PTPRG: variants seen among roughly 807,000 people sequenced by gnomAD.
PTPRG encodes the protein receptor-type tyrosine-protein phosphatase gamma.
In PTPRG, 102 loss-of-function variants were observed where a neutral mutation model predicts 165.3. The observed-to-expected ratio is 0.62, with a 90% CI of 0.53 to 0.73. The LOEUF (loss-of-function observed/expected upper bound fraction) is 0.73, where lower values mean the gene tolerates loss of function less well. Ranked by LOEUF, PTPRG falls within the 30% of genes least tolerant of loss-of-function variation. The pLI is 0.00. For missense variants in PTPRG, 1,866 were observed against 1,861.4 expected, an observed-to-expected ratio of 1.00 and a Z score of -0.05; for synonymous variants, 675 against 669.5, an observed-to-expected ratio of 1.01 and a Z score of -0.13.
intron 2 of PTPRG, among the ~76,000 whole-genome samples, chr3:61,817,016 TAC>T (rs1491050925): frequency 1.8e-5 from 2 of 108,272 alleles, no homozygotes; most frequent in East Asian, 5.4e-4. Flanking sequence ...TAAATATATA[TAC>T]TATATAATAT....
chr3:62,003,430 A>C lies in PTPRG; in HGVS notation c.452A>C (p.His151Pro). 1 of 1,614,002 alleles carries C rather than the reference A, an allele frequency of 6.2e-7. No homozygotes were observed. Among genetic ancestry groups the C allele is most frequent in the Non-Finnish European group, 8.5e-7 (1 of 1,179,948 alleles). ...GRFKAEKVEF[H>P]WGHSNGSAGS... ...TTCAAAGCTGAGAAGGTGGAATTTC[A>C]CTGGGGCCACAGCAATGGCTCAGCG... The change falls in exon 4 of 30, where the codon CAC (histidine) becomes CCC (proline). Residue 151 changes from histidine to proline, a missense_variant. His to Pro is a moderately conservative substitution (Grantham distance 77). This residue lies in a region of PTPRG where 408 missense variants were observed against 376.2 expected (regional missense o/e 1.08). Coordinates refer to ENST00000474889, the MANE Select transcript of PTPRG (RefSeq NM_002841.4).
rs141419185 is a variant in PTPRG, at chr3:62,063,800, G to A, written c.520-14363G>A. Among the ~76,000 whole-genome samples, 426 of 152,206 alleles carry A rather than the reference G, an allele frequency of 2.8e-3. 2 individuals carry two copies. The highest frequency in any genetic ancestry group is 9.8e-3 in the African/African-American group (408 of 41,530). On this transcript the variant is annotated intron_variant, in intron 4 of 29. Transcript: ENST00000474889. ...TTCTAGGTGTGAGTCACCTCACCTG[G>A]CCTCAATCTTTTCTTTATTTCTTTG...
At chr3:61,759,900 G>A (rs2033776279) in intron 2 of PTPRG, among the ~76,000 whole-genome samples, 1 of 151,880 alleles carries the variant, frequency 6.6e-6, no homozygotes, top group Non-Finnish European at 1.5e-5. Flanking sequence ...GAAGAGATAG[G>A]ACTGACCTCA....
chr3:62,143,737 C>G (rs890525131), intron 6 of PTPRG, among the ~76,000 whole-genome samples: 2 of 152,130 alleles, frequency 1.3e-5, no homozygotes, highest in Admixed American at 1.3e-4. Flanking sequence ...CTCTTAGGAA[C>G]ACAACTGAAT....
At chr3:62,128,582 C>T (rs1265506579) in intron 5 of PTPRG, among the ~76,000 whole-genome samples, 1 of 151,566 alleles carries the variant, frequency 6.6e-6, no homozygotes, top group Non-Finnish European at 1.5e-5. Flanking sequence ...CATTTGTACT[C>T]AGCATTATAC....
intron 2 of PTPRG, among the ~76,000 whole-genome samples, chr3:61,965,796 A>G (rs1394980802): frequency 6.6e-6 from 1 of 152,236 alleles, no homozygotes; most frequent in African/African-American, 2.4e-5. Context: ...TAAACAAGGA[A>G]ACAGATGAAG....
intron 1 of PTPRG, among the ~76,000 whole-genome samples, chr3:61,584,440 G>A (rs761828941): frequency 6.6e-6 from 1 of 151,950 alleles, no homozygotes; most frequent in African/African-American, 2.4e-5. Flanking sequence ...CTTGTCCCTC[G>A]CTCCATTTCC....
rs78573331 is a variant in PTPRG at position 62,179,242 on chromosome 3, C to G, written c.1033+11079C>G. Among the ~76,000 whole-genome samples the G allele has an allele frequency of 4.1e-3, 628 of 152,292 alleles. 3 individuals are homozygous for G. Among genetic ancestry groups the G allele is most frequent in the African/African-American group, 0.013 (538 of 41,564 alleles). On this transcript the variant is annotated intron_variant, in intron 8 of 29. Transcript: ENST00000474889. ...AGAAGAGGGAGCCCCATGTGGTGTC[C>G]TCTTGAGTCAGGCTTTTCTTATTCC...
chr3:61,981,399 T>A (rs540271718), intron 2 of PTPRG, among the ~76,000 whole-genome samples: 1 of 152,358 alleles, frequency 6.6e-6, no homozygotes, highest in South Asian at 2.1e-4. Context: ...CTTTGCTGAT[T>A]CAATCTCTTG....
intron 2 of PTPRG, among the ~76,000 whole-genome samples, chr3:61,834,751 T>C (rs1331703909): frequency 6.6e-6 from 1 of 152,148 alleles, no homozygotes; most frequent in African/African-American, 2.4e-5. Flanking sequence ...AGGTGGAGTT[T>C]GCAGTGAGCT....
chr3:62,074,352 CTTTTTTTTT>C (rs200189646), intron 4 of PTPRG, among the ~76,000 whole-genome samples: 32,998 of 109,924 alleles, frequency 0.3, 4,137 homozygotes, highest in East Asian at 0.5. Flanking sequence ...TCTTTTCTTT[CTTTTTTTTT>C]TTTTTTTTTT....
intron 1 of PTPRG, among the ~76,000 whole-genome samples, chr3:61,675,497 T>G (rs1444020185): frequency 2.0e-5 from 3 of 152,290 alleles, no homozygotes; most frequent in South Asian, 4.1e-4. Context: ...GAGTCCCGTA[T>G]TTTTCTCACC....
intron 1 of PTPRG, among the ~76,000 whole-genome samples, chr3:61,644,330 T>C (rs1296640813): frequency 6.6e-6 from 1 of 152,156 alleles, no homozygotes; most frequent in Non-Finnish European, 1.5e-5. Flanking sequence ...TAAGTAAAAA[T>C]TGCATGTACC....
At chr3:62,290,983 G>A (rs1702868359) in intron 28 of PTPRG, among the ~76,000 whole-genome samples, 1 of 151,610 alleles carries the variant, frequency 6.6e-6, no homozygotes. Context: ...CAGATCGGGG[G>A]GCAAAAAAAC....
intron 3 of PTPRG, among the ~76,000 whole-genome samples, chr3:61,992,542 G>A (rs1305808226): frequency 2.0e-5 from 3 of 148,450 alleles, no homozygotes; most frequent in South Asian, 2.2e-4. Context: ...TTTTTGAGAC[G>A]GAGTCTCGCT....
chr3:61,714,903 A>G (rs1016306054), intron 1 of PTPRG, among the ~76,000 whole-genome samples: 4 of 152,220 alleles, frequency 2.6e-5, no homozygotes, highest in Admixed American at 2.0e-4. Context: ...TCTAATCCTG[A>G]TAAATATATC....
chr3:62,204,425 C>T (rs541209012), intron 12 of PTPRG, among the ~76,000 whole-genome samples: 3 of 152,224 alleles, frequency 2.0e-5, no homozygotes, highest in East Asian at 3.9e-4. Flanking sequence ...AGCTGGAGCG[C>T]ATGCCCAGAA....
At chr3:61,576,690 C>T (rs1446096521) in intron 1 of PTPRG, among the ~76,000 whole-genome samples, 10 of 152,126 alleles carry the variant, frequency 6.6e-5, no homozygotes, top group Admixed American at 6.5e-4. Context: ...AGAGGTGTAT[C>T]CAAGTGGCTA....
At chr3:61,658,862 G>C (rs574472225) in intron 1 of PTPRG, among the ~76,000 whole-genome samples, 1 of 152,144 alleles carries the variant, frequency 6.6e-6, no homozygotes, top group Non-Finnish European at 1.5e-5. Flanking sequence ...ATAGTTATAC[G>C]CCTGTAAAAA....
Sources: allele counts gnomAD v4.1 joint callset (sites outside exome capture counted in the v4.1 genomes callset), GRCh38; gene constraint gnomAD v4.1.1; regional missense constraint gnomAD v4.1.1; transcripts MANE v1.5; gene names NCBI Gene and HGNC (gene_info 2026-07-23, HGNC 2026-07-21).